The following PHF14 variants were observed in gnomAD, a reference collection of about 807,000 sequenced individuals.
PHF14 encodes PHD finger protein 14.
A neutral mutation model predicts 117.9 loss-of-function variants in PHF14; 55 were observed. The observed-to-expected ratio is 0.47, with a 90% CI of 0.38 to 0.58. PHF14 has a LOEUF of 0.58. PHF14 is among the 20% of genes least tolerant of loss of function. The pLI is 0.00. For synonymous variants in PHF14, 409 were observed against 368.6 expected (o/e 1.11, Z -1.26); for missense variants, 978 against 1,122.2 (o/e 0.87, Z 1.84).
intron 5 of PHF14, among the ~76,000 whole-genome samples, chr7:11,021,152 A>G (rs1162163749): frequency 6.6e-6 from 1 of 152,226 alleles, no homozygotes. Flanking sequence ...TGAATTTACA[A>G]TAATCTGTTA....
In PHF14 at chr7:11,106,892, T is replaced by C. The variant is rs567159443; in HGVS notation, c.2655-4458T>C. Reference sequence around the variant, plus strand: ...GTTTTTGTTTTGCTTTATATAAACTTATAGGGGCTACAAGTAAAATGTTCC... The same window carrying C: ...GTTTTTGTTTTGCTTTATATAAACTCATAGGGGCTACAAGTAAAATGTTCC... On this transcript the variant is annotated intron_variant, in intron 16 of 17. Transcript: ENST00000634607. 4.6e-4 allele frequency: 454 copies of C among 983,004 alleles called. 4 individuals carry two copies. In the African/African-American group the frequency reaches 7.3e-3, roughly 16 times the overall value. 60.9% of individuals were successfully genotyped at this position (983,004 alleles called of 1,614,324 possible). A position where few individuals can be genotyped will look rare whatever the true frequency, so the allele number is the denominator to read the frequency against.
At chr7:11,088,159 A>G (rs1439005800) in intron 16 of PHF14, among the ~76,000 whole-genome samples, 1 of 152,184 alleles carries the variant, frequency 6.6e-6, no homozygotes, top group Non-Finnish European at 1.5e-5. Context: ...ACCTATGCAT[A>G]TGTTCCTGTA....
chr7:11,132,818 C>T (rs1341494372), intron 17 of PHF14, among the ~76,000 whole-genome samples: 1 of 151,772 alleles, frequency 6.6e-6, no homozygotes, highest in Non-Finnish European at 1.5e-5. Context: ...GAGATGGTAT[C>T]TCATAGTGGT....
At chr7:11,096,806 T>G (rs1029488985) in intron 16 of PHF14, among the ~76,000 whole-genome samples, 1 of 152,072 alleles carries the variant, frequency 6.6e-6, no homozygotes, top group Non-Finnish European at 1.5e-5. Context: ...TAAAGTTGTT[T>G]CTTGAGTTTA....
rs774507597 is a variant in PHF14, at chr7:11,129,534, T to TTG, written c.2772+18073_2772+18074dup. Among the ~76,000 whole-genome samples the TTG allele has an allele frequency of 1.7e-3, 243 of 146,672 alleles. 2 individuals carry two copies. Among genetic ancestry groups the TTG allele is most frequent in the Non-Finnish European group, 2.4e-3 (163 of 67,182 alleles). On this transcript the variant is annotated intron_variant, in intron 17 of 17. Coordinates refer to ENST00000634607, the MANE Select transcript of PHF14 (RefSeq NM_001007157.2). ...ACTAATCCAAATGAAAATGCCTATT[T>TTG]TGTGTGTATGTTTCTTTTTTTTTTT... is the stretch of plus-strand genomic sequence containing the variant.
intron 17 of PHF14, among the ~76,000 whole-genome samples, chr7:11,163,315 T>G (rs909384534): frequency 5.9e-5 from 9 of 152,214 alleles, no homozygotes; most frequent in African/African-American, 2.2e-4. Context: ...ACAGTAAATT[T>G]AATTAAGCAT....
At chr7:11,073,912 T>A (rs968703890) in intron 16 of PHF14, among the ~76,000 whole-genome samples, 3 of 152,178 alleles carry the variant, frequency 2.0e-5, no homozygotes, top group Non-Finnish European at 4.4e-5. Flanking sequence ...GAGCTGTACC[T>A]GGGGCTCTGT....
chr7:11,059,092 A>C (rs1364290690), intron 14 of PHF14, among the ~76,000 whole-genome samples: 3 of 152,310 alleles, frequency 2.0e-5, no homozygotes, highest in Non-Finnish European at 4.4e-5. Flanking sequence ...AAATTTATAA[A>C]TATAGAGAGA....
At chr7:11,102,384 T>A in intron 16 of PHF14, 1 of 1,257,188 alleles carries the variant, frequency 8.0e-7, no homozygotes, top group Non-Finnish European at 1.1e-6. Flanking sequence ...TCATATGTTA[T>A]TTGAATCTAC....
chr7:11,131,900 C>G (rs1394666710), intron 17 of PHF14, among the ~76,000 whole-genome samples: 2 of 151,712 alleles, frequency 1.3e-5, no homozygotes, highest in East Asian at 1.9e-4. Context: ...TGTTAATATT[C>G]AAAAGCCAAT....
chr7:11,143,123 T>C (rs1045130879), intron 17 of PHF14, among the ~76,000 whole-genome samples: 1 of 152,172 alleles, frequency 6.6e-6, no homozygotes, highest in African/African-American at 2.4e-5. Context: ...GCTTGATAAT[T>C]GGCTTTTTCA....
At chr7:11,104,529 A>G in intron 16 of PHF14, 1 of 981,932 alleles carries the variant, frequency 1.0e-6, no homozygotes, top group Non-Finnish European at 1.2e-6. Context: ...CTACATAAGA[A>G]AAAAATGGCA....
At chr7:11,096,092 G>A (rs1034055109) in intron 16 of PHF14, among the ~76,000 whole-genome samples, 4 of 151,920 alleles carry the variant, frequency 2.6e-5, no homozygotes, top group African/African-American at 9.7e-5. Flanking sequence ...GAATAAAGAG[G>A]TCTTCCTTAA....
chr7:11,086,094 T>C (rs2906560), intron 16 of PHF14, among the ~76,000 whole-genome samples: 77,745 of 151,930 alleles, frequency 0.51, 20,727 homozygotes, highest in East Asian at 0.85. Context: ...GTAGTGCTTA[T>C]TCTCCTTCAT....
rs1480396393 is a variant in PHF14, at chr7:11,102,160, T to C, written c.2655-9190T>C. On this transcript the variant is annotated intron_variant, in intron 16 of 17. Transcript: ENST00000634607. ...TTTCAAAATATTTATTGATTAAATATTTCCTTTTATAAATACAAGCCCTTC... is the reference window on the plus strand; with the variant it reads ...TTTCAAAATATTTATTGATTAAATACTTCCTTTTATAAATACAAGCCCTTC... 4.6e-5 allele frequency among the ~76,000 whole-genome samples: 7 copies of C among 151,870 alleles called. No individual in the cohort carries two copies. The East Asian group carries it at 1.3e-3, about 29-fold the overall frequency.
intron 16 of PHF14, among the ~76,000 whole-genome samples, chr7:11,073,571 T>C (rs1367077814): frequency 6.6e-6 from 1 of 152,150 alleles, no homozygotes; most frequent in Non-Finnish European, 1.5e-5. Flanking sequence ...TTTTCCAGGC[T>C]CAGGGTGCAA....
intron 14 of PHF14, among the ~76,000 whole-genome samples, chr7:11,052,043 C>A (rs1328412283): frequency 6.6e-6 from 1 of 152,286 alleles, no homozygotes; most frequent in East Asian, 1.9e-4. Flanking sequence ...ATTCCCAAAG[C>A]TTTAGAAGTT....
chr7:11,080,889 T>C (rs905117285), intron 16 of PHF14, among the ~76,000 whole-genome samples: 10 of 152,202 alleles, frequency 6.6e-5, no homozygotes, highest in Non-Finnish European at 1.0e-4. Flanking sequence ...TTAATTGCGC[T>C]ACAACAGTAA....
intron 17 of PHF14, among the ~76,000 whole-genome samples, 171 bp from the exon 18 acceptor site, chr7:11,169,245 A>C (rs1209945371): frequency 2.0e-5 from 3 of 152,184 alleles, no homozygotes; most frequent in Non-Finnish European, 4.4e-5. Context: ...GTGTTCTATA[A>C]AACAGCACCT....
Sources: allele counts gnomAD v4.1 joint callset (sites outside exome capture counted in the v4.1 genomes callset), GRCh38; gene constraint gnomAD v4.1.1; transcripts MANE v1.5; gene names NCBI Gene and HGNC (gene_info 2026-07-23, HGNC 2026-07-21).